Variants in PARD3 observed in about 807,000 individuals in gnomAD.
PARD3 encodes the protein par-3 family cell polarity regulator, also known as partitioning defective 3 homolog.
A neutral mutation model predicts 155.4 loss-of-function variants in PARD3; 75 were observed. The ratio of observed to expected loss-of-function variants is 0.48; its 90% confidence interval spans 0.40 to 0.58. The LOEUF (loss-of-function observed/expected upper bound fraction) is 0.58, where lower values mean the gene tolerates loss of function less well. Among genes scored for constraint, PARD3 ranks in the 20% least tolerant of loss-of-function variants. The pLI is 0.00. For synonymous variants in PARD3, 576 were observed against 610.5 expected (o/e 0.94, Z 0.83); for missense variants, 1,642 against 1,721.7 (o/e 0.95, Z 0.82).
At chr10:34,324,514 C>T (rs970978231) in intron 19 of PARD3, among the ~76,000 whole-genome samples, 2 of 152,046 alleles carry the variant, frequency 1.3e-5, no homozygotes, top group African/African-American at 2.4e-5. Context: ...AGGGTAAGCA[C>T]GGACACTTGA....
In PARD3 at chr10:34,162,374, T is replaced by A. The variant is rs532698462; in HGVS notation, c.3420-30791A>T. On this transcript the variant is annotated intron_variant, in intron 22 of 24. Transcript: ENST00000374788. Reference sequence around the variant, plus strand: ...TCTTTTTGCTGAGAGCTTTCCTTTTTGTTTAATAAATTCTATTCCACTCAC... The same window carrying A: ...TCTTTTTGCTGAGAGCTTTCCTTTTAGTTTAATAAATTCTATTCCACTCAC... Among the ~76,000 whole-genome samples, 102 of 152,314 alleles carry A rather than the reference T, an allele frequency of 6.7e-4. 1 individual carries two copies. In the South Asian group the frequency reaches 0.021, roughly 31 times the overall value.
At chr10:34,622,029 C>A (rs1429560106) in intron 2 of PARD3, among the ~76,000 whole-genome samples, 1 of 152,096 alleles carries the variant, frequency 6.6e-6, no homozygotes, top group Non-Finnish European at 1.5e-5. Flanking sequence ...AGTAGAAGAA[C>A]CAGCACTCAT....
intron 2 of PARD3, among the ~76,000 whole-genome samples, chr10:34,690,677 C>T (rs762727538): frequency 3.3e-5 from 5 of 152,118 alleles, no homozygotes; most frequent in African/African-American, 7.2e-5. Flanking sequence ...TTATAAGCCA[C>T]GCCTCGCTAG....
chr10:34,667,016 A>G (rs573904004), intron 2 of PARD3, among the ~76,000 whole-genome samples: 2 of 152,012 alleles, frequency 1.3e-5, no homozygotes, highest in African/African-American at 4.8e-5. Context: ...TAGAAATACA[A>G]AAATTAGCCG....
chr10:34,593,010 G>C (rs2088866300), intron 2 of PARD3, among the ~76,000 whole-genome samples: 1 of 152,174 alleles, frequency 6.6e-6, no homozygotes, highest in South Asian at 2.1e-4. Flanking sequence ...GGAATGAAAT[G>C]AAAGACAAAT....
chr10:34,405,079 AACACACACACACACAC>A (rs200596601), intron 5 of PARD3, among the ~76,000 whole-genome samples: 45 of 59,418 alleles, frequency 7.6e-4, no homozygotes, highest in South Asian at 4.4e-4. Flanking sequence ...CACAAACACA[AACACACACACACACAC>A]ACACACACAC....
At chr10:34,804,114 A>G (rs1843104516) in intron 1 of PARD3, among the ~76,000 whole-genome samples, 1 of 151,224 alleles carries the variant, frequency 6.6e-6, no homozygotes, top group Admixed American at 6.6e-5. Flanking sequence ...GCTCAATGCA[A>G]CCTCTGCCTC....
intron 2 of PARD3, among the ~76,000 whole-genome samples, chr10:34,543,206 G>C (rs1469968683): frequency 6.6e-6 from 1 of 151,962 alleles, no homozygotes; most frequent in Non-Finnish European, 1.5e-5. Context: ...AGAAGGTTGA[G>C]GCTACCATGA....
intron 22 of PARD3, among the ~76,000 whole-genome samples, chr10:34,253,265 C>A (rs1002744514): frequency 6.6e-6 from 1 of 152,140 alleles, no homozygotes; most frequent in African/African-American, 2.4e-5. Context: ...CAAGTAGGTG[C>A]GCAACAGATA....
At chr10:34,716,580 C>CTT (rs202195983) in intron 1 of PARD3, among the ~76,000 whole-genome samples, 2 of 109,438 alleles carry the variant, frequency 1.8e-5, no homozygotes, top group Non-Finnish European at 3.7e-5. Flanking sequence ...CCCAGGATGG[C>CTT]TTTTCTTTTT....
rs71523316 is a variant in PARD3 at position 34,125,071 on chromosome 10, CT to C, written c.3541-5332del. 1.8e-3 allele frequency among the ~76,000 whole-genome samples: 251 copies of C among 140,294 alleles called. 3 individuals carry two copies. The highest frequency in any genetic ancestry group is 1.6e-3 in the African/African-American group (58 of 35,896). 92.0% of individuals were successfully genotyped at this position (140,294 alleles called of 152,430 possible). On this transcript the variant is annotated intron_variant, in intron 23 of 24. Coordinates refer to ENST00000374788, the MANE Select transcript of PARD3 (RefSeq NM_001184785.2). ...GGCTTATCTCCAGGTCTATTTCTTT[CT>C]TTTTTTTTTTTTGAGACGGAGTCTT... is the stretch of plus-strand genomic sequence containing the variant.
At chr10:34,267,009 T>G (rs1480533667) in intron 22 of PARD3, among the ~76,000 whole-genome samples, 1 of 152,178 alleles carries the variant, frequency 6.6e-6, no homozygotes, top group Non-Finnish European at 1.5e-5. Context: ...ACTTCTGAGC[T>G]GTGTGAAAAA....
chr10:34,393,473 T>C (rs572894971), intron 7 of PARD3, among the ~76,000 whole-genome samples: 7 of 151,474 alleles, frequency 4.6e-5, no homozygotes, highest in Non-Finnish European at 7.4e-5. Context: ...CCCAGCTGCT[T>C]GGGAGGCTGA....
At chr10:34,144,226 G>C (rs1948345767) in intron 22 of PARD3, among the ~76,000 whole-genome samples, 1 of 151,898 alleles carries the variant, frequency 6.6e-6, no homozygotes, top group Admixed American at 6.6e-5. Context: ...TACTACATGT[G>C]CATAGTTTAT....
intron 22 of PARD3, among the ~76,000 whole-genome samples, chr10:34,266,456 A>C (rs1287185393): frequency 6.6e-6 from 1 of 152,182 alleles, no homozygotes; most frequent in African/African-American, 2.4e-5. Flanking sequence ...AAAAATAATA[A>C]TTACAAAAAA....
chr10:34,694,864 G>C (rs1301948677), intron 2 of PARD3, among the ~76,000 whole-genome samples: 2 of 152,116 alleles, frequency 1.3e-5, no homozygotes, highest in Non-Finnish European at 1.5e-5. Context: ...CTCTCAGCCA[G>C]GCATGATGCT....
chr10:34,217,188 CCT>C (rs1952041079), intron 22 of PARD3, among the ~76,000 whole-genome samples: 1 of 139,684 alleles, frequency 7.2e-6, no homozygotes. Flanking sequence ...AGGATGTCCA[CCT>C]CACTGCTTCC....
Position 34,641,538 on chromosome 10 carries a change from C to CA in PARD3, c.222+54779dup, listed in dbSNP as rs1354844727. Among the ~76,000 whole-genome samples, 10 of 152,326 alleles carry CA rather than the reference C, an allele frequency of 6.6e-5. No homozygotes were observed. The East Asian group carries it at 1.7e-3, about 26-fold the overall frequency. ...GTAAAAGGCACTGCATGAAAAATCT[C>CA]AGGGCCTGGAGGAAGCCTTGGCGTG... On this transcript the variant is annotated intron_variant, in intron 2 of 24. Transcript: ENST00000374788.
intron 1 of PARD3, among the ~76,000 whole-genome samples, chr10:34,782,521 G>A (rs572440408): frequency 5.3e-5 from 8 of 152,084 alleles, no homozygotes; most frequent in East Asian, 1.9e-4. Context: ...TCCTCACAAC[G>A]ACATCAAAAC....
Sources: gnomAD v4.1 joint callset for allele counts (sites outside exome capture counted in the v4.1 genomes callset) on GRCh38, gnomAD v4.1.1 for gene constraint, MANE v1.5 for transcripts, NCBI Gene and HGNC (gene_info 2026-07-23, HGNC 2026-07-21) for gene names.